The following NR1H2 variants were observed in gnomAD, a reference collection of about 807,000 sequenced individuals.
NR1H2 encodes the protein oxysterols receptor LXR-beta.
In NR1H2, 33 loss-of-function variants were observed where a neutral mutation model predicts 51.2. That is an observed-to-expected ratio of 0.64 (90% confidence interval 0.49 to 0.86). The LOEUF (loss-of-function observed/expected upper bound fraction) is 0.86. NR1H2 is among the 40% of genes least tolerant of loss of function. NR1H2 has a pLI of 0.00. For synonymous variants in NR1H2, 310 were observed against 264.3 expected (o/e 1.17, Z -1.68); for missense variants, 592 against 639.9 (o/e 0.93, Z 0.81).
chr19:50,380,700 A>G (rs954246057), intron 8 of NR1H2, among the ~76,000 whole-genome samples: 1 of 152,072 alleles, frequency 6.6e-6, no homozygotes, highest in Non-Finnish European at 1.5e-5. Context: ...GCGATTGCAG[A>G]GGCCCTGAGG....
chr19:50,378,460 C>T (rs776069226), intron 5 of NR1H2, 21 bp downstream of exon 5: 48 of 1,576,672 alleles, frequency 3.0e-5, no homozygotes, highest in Admixed American at 8.6e-5. Context: ...CGGGAGGGGG[C>T]GGTGCCGGCC....
In NR1H2 at chr19:50,381,950, G is replaced by C. The variant is rs531035581; in HGVS notation, c.1028-16G>C. The C allele has an allele frequency of 1.3e-6, 2 of 1,543,420 alleles. No homozygotes were observed. The highest frequency in any genetic ancestry group is 1.2e-5 in the South Asian group (1 of 83,272). On this transcript the variant is annotated splice_polypyrimidine_tract_variant and intron_variant, in intron 8 of 9. Coordinates refer to ENST00000253727, the MANE Select transcript of NR1H2 (RefSeq NM_007121.7). ...TTTCGGGCTGAGGGAGTCACGGGCTGCCTCCCGCCCCGCAGGCCTGCAGGT... is the reference window on the plus strand; with the variant it reads ...TTTCGGGCTGAGGGAGTCACGGGCTCCCTCCCGCCCCGCAGGCCTGCAGGT...
Position 50,379,088 on chromosome 19 carries a change from C to T in NR1H2, c.834C>T (p.Val278=). The T allele has an allele frequency of 6.2e-7, 1 of 1,614,042 alleles. No homozygotes were observed. The highest frequency in any genetic ancestry group is 8.5e-7 in the Non-Finnish European group (1 of 1,180,018). Residue 278 remains valine (V), a synonymous_variant, in exon 7 of 10, where the codon GTC becomes GTT. Transcript: ENST00000253727. ...TCACGGAGCTGGCCATCATCTCAGTCCAGGAGATCGTGGACTTCGCTAAGC... is the reference window on the plus strand; with the variant it reads ...TCACGGAGCTGGCCATCATCTCAGTTCAGGAGATCGTGGACTTCGCTAAGC... The part of the protein sequence containing the change: ...AHFTELAIIS[V]QEIVDFAKQV...
Position 50,379,155 on chromosome 19 carries a change from G to A in NR1H2, c.901G>A (p.Ala301Thr), listed in dbSNP as rs1370222780. 1.2e-5 allele frequency: 20 copies of A among 1,613,114 alleles called. No homozygotes were observed. Among genetic ancestry groups the A allele is most frequent in the South Asian group, 2.2e-5 (2 of 91,026 alleles). Residue 301 changes from alanine (A) to threonine (T), a missense_variant, in exon 7 of 10, where the codon GCC becomes ACC. Ala to Thr is a moderately conservative substitution (Grantham distance 58). This residue lies in a region of NR1H2 where 102 missense variants were observed against 152.4 expected (regional missense o/e 0.67). Transcript: ENST00000253727. ...FLQLGREDQI[A>T]LLKASTIEIM... ...GCAGCTGGGCCGGGAGGACCAGATC[G>A]CCCTCCTGAAGGCATCCACTATCGA...
chr19:50,377,897 G>A, intron 4 of NR1H2, 27 bp downstream of exon 4: 1 of 1,521,626 alleles, frequency 6.6e-7, no homozygotes, highest in Non-Finnish European at 8.8e-7. Flanking sequence ...GAGTTGATGT[G>A]GGGGCTTGGG....
intron 2 of NR1H2, 73 bp downstream of exon 2, chr19:50,376,899 G>A (rs1274603172): frequency 6.7e-6 from 1 of 148,228 alleles, no homozygotes; most frequent in Non-Finnish European, 1.5e-5. Flanking sequence ...GACCTGCAGC[G>A]CGGTGCGGGG....
rs1458462048 is a variant in NR1H2 at position 50,377,833 on chromosome 19, C to T, written c.144C>T (p.Gly48=). ...GGGGTCCGGACCCTGATGTCCCAGG[C>T]ACTGATGAGGCCAGCTCAGCCTGCA... ...WPGGPDPDVP[G]TDEASSACST... The change falls in exon 4 of 10, where the codon GGC becomes GGT. Residue 48 remains glycine (G), a synonymous_variant. Coordinates refer to ENST00000253727, the MANE Select transcript of NR1H2 (RefSeq NM_007121.7). 1.9e-6 allele frequency: 3 copies of T among 1,603,692 alleles called. No individual in the cohort carries two copies. Among genetic ancestry groups the T allele is most frequent in the Non-Finnish European group, 2.6e-6 (3 of 1,176,102 alleles).
intron 9 of NR1H2, 38 bp downstream of exon 9, chr19:50,382,212 G>C (rs1291929814): frequency 4.1e-6 from 6 of 1,480,484 alleles, no homozygotes; most frequent in South Asian, 1.3e-5. Flanking sequence ...AGCCAACTAC[G>C]TCCCGCGGCC....
chr19:50,376,950 T>C (rs1209433708), intron 2 of NR1H2, 124 bp downstream of exon 2: 1 of 114,542 alleles, frequency 8.7e-6, no homozygotes, highest in Non-Finnish European at 1.8e-5. Flanking sequence ...GGGCGGGGCA[T>C]GATGGGAGGA....
At chr19:50,377,396 G>A (rs1319087325) in intron 2 of NR1H2, 191 bp from the exon 3 acceptor site, 2 of 510,322 alleles carry the variant, frequency 3.9e-6, no homozygotes, top group South Asian at 3.0e-5. Flanking sequence ...GAAGGCTGGC[G>A]TGGAACAGAA....
At position 50,382,044 on chromosome 19, in the gene NR1H2, A is replaced by G. The variant is rs772158040; in HGVS notation, c.1106A>G (p.Tyr369Cys). The change falls in exon 9 of 10, where the codon TAC becomes TGC. Residue 369 changes from tyrosine to cysteine, a missense_variant. Transcript: ENST00000253727. ...MRRLGLDDAE[Y>C]ALLIAINIFS... ...CGGCTGGGCCTGGACGACGCTGAGT[A>G]CGCCCTGCTCATCGCCATCAACATC... is the stretch of plus-strand genomic sequence containing the variant. 9 of 1,562,392 alleles carry G rather than the reference A, an allele frequency of 5.8e-6. No homozygotes were observed. Among genetic ancestry groups the G allele is most frequent in the Non-Finnish European group, 7.8e-6 (9 of 1,153,218 alleles).
intron 8 of NR1H2, among the ~76,000 whole-genome samples, chr19:50,380,970 C>T (rs1395428171): frequency 2.0e-5 from 3 of 152,192 alleles, no homozygotes; most frequent in East Asian, 1.9e-4. Flanking sequence ...CAGAACCCTC[C>T]GCGGCTCCCG....
At position 50,382,562 on chromosome 19, in the gene NR1H2, T is replaced by G; in HGVS notation, c.1343T>G (p.Leu448Arg). 6.2e-7 allele frequency: 1 copy of G among 1,604,362 alleles called. No individual in the cohort carries two copies. Among genetic ancestry groups the G allele is most frequent in the Non-Finnish European group, 8.5e-7 (1 of 1,175,282 alleles). Residue 448 changes from leucine (L) to arginine (R), a missense_variant, in exon 10 of 10, where the codon CTG (leucine) becomes CGG (arginine). Physicochemically the swap from Leu to Arg is moderately radical, Grantham distance 102. Coordinates refer to ENST00000253727, the MANE Select transcript of NR1H2 (RefSeq NM_007121.7). The stretch of plus-strand genomic sequence containing the variant: ...GCCTTGCGGCTCCAGGACAAGAAGC[T>G]GCCGCCTCTGCTGTCGGAGATCTGG... The part of the protein sequence containing the change: ...VFALRLQDKK[L>R]PPLLSEIWDV...
At position 50,382,509 on chromosome 19, in the gene NR1H2, G is replaced by A; in HGVS notation, c.1290G>A (p.Leu430=). The A allele has an allele frequency of 6.2e-7, 1 of 1,611,370 alleles. No homozygotes were observed. Among genetic ancestry groups the A allele is most frequent in the Non-Finnish European group, 8.5e-7 (1 of 1,179,358 alleles). ...MLMKLVSLRT[L]SSVHSEQVFA... is the part of the protein sequence containing the mutation. ...TGAAGCTGGTGAGCCTGCGCACGCTGAGCTCTGTGCACTCGGAGCAGGTCT... is the reference window on the plus strand; with the variant it reads ...TGAAGCTGGTGAGCCTGCGCACGCTAAGCTCTGTGCACTCGGAGCAGGTCT... Residue 430 remains leucine (L), a synonymous_variant, in exon 10 of 10, where the codon CTG becomes CTA. Coordinates refer to ENST00000253727, the MANE Select transcript of NR1H2 (RefSeq NM_007121.7).
chr19:50,381,041 C>T (rs2037757566), intron 8 of NR1H2, among the ~76,000 whole-genome samples: 2 of 152,184 alleles, frequency 1.3e-5, no homozygotes, highest in Admixed American at 1.3e-4. Flanking sequence ...AGGACCTGGC[C>T]TCGCTCACTC....
At position 50,382,801 on chromosome 19, in the gene NR1H2, G is replaced by C. The variant is rs540285885; in HGVS notation, c.*199G>C. ...GCGAGTCTTCCAGAAGGGGTGAAAG[G>C]GTTGCAGGTCCCGACCACTGACCCT... On this transcript the variant is annotated 3_prime_UTR_variant, in exon 10 of 10. Transcript: ENST00000253727. 6.0e-5 allele frequency: 32 copies of C among 534,772 alleles called. No individual in the cohort carries two copies. In the South Asian group the frequency reaches 9.6e-4, roughly 16 times the overall value. The allele number at this position is 534,772 out of a possible 1,614,324, so 33.1% of individuals were successfully genotyped here. A position where few individuals can be genotyped will look rare whatever the true frequency, so the allele number is the denominator to read the frequency against.
At chr19:50,378,104 G>C in intron 4 of NR1H2, 45 bp from the exon 5 acceptor site, 1 of 1,566,616 alleles carries the variant, frequency 6.4e-7, no homozygotes, top group Non-Finnish European at 8.7e-7. Context: ...TCTGGTTCCT[G>C]TTTCTCCTTG....
chr19:50,378,459 G>GCGGTGC lies in NR1H2; in HGVS notation c.472+24_472+29dup, dbSNP rs2037706804. 1.9e-6 allele frequency: 3 copies of GCGGTGC among 1,579,146 alleles called. No homozygotes were observed. The highest frequency in any genetic ancestry group is 2.6e-6 in the Non-Finnish European group (3 of 1,159,788). Reference sequence around the variant, plus strand: ...AGCAGTGTGAGTGCAGCGGGAGGGGGCGGTGCCGGCCTGGCCCCCCGCCTA... The same window carrying GCGGTGC: ...AGCAGTGTGAGTGCAGCGGGAGGGGGCGGTGCCGGTGCCGGCCTGGCCCCCCGCCTA... On this transcript the variant is annotated intron_variant, in intron 5 of 9. Coordinates refer to ENST00000253727, the MANE Select transcript of NR1H2 (RefSeq NM_007121.7).
chr19:50,382,196 G>T lies in NR1H2; in HGVS notation c.1236+22G>T, dbSNP rs537172725. On this transcript the variant is annotated intron_variant, in intron 9 of 9. Coordinates refer to ENST00000253727, the MANE Select transcript of NR1H2 (RefSeq NM_007121.7). ...GCAGGTAGGGCCCCGCAGAGCCTCTGCGCAGAGCCAACTACGTCCCGCGGC... is the reference window on the plus strand; with the variant it reads ...GCAGGTAGGGCCCCGCAGAGCCTCTTCGCAGAGCCAACTACGTCCCGCGGC... 2.7e-6 allele frequency: 4 copies of T among 1,505,134 alleles called. No individual in the cohort carries two copies. In the East Asian group the frequency reaches 7.4e-5, roughly 28 times the overall value. 93.2% of individuals were successfully genotyped at this position (1,505,134 alleles called of 1,614,324 possible).
Sources: gnomAD v4.1 joint callset for allele counts (sites outside exome capture counted in the v4.1 genomes callset) on GRCh38, gnomAD v4.1.1 for gene constraint, gnomAD v4.1.1 regional missense constraint, MANE v1.5 for transcripts, NCBI Gene and HGNC (gene_info 2026-07-23, HGNC 2026-07-21) for gene names.